IGF1: variants seen among roughly 807,000 people sequenced by gnomAD.
IGF1 encodes insulin like growth factor 1.
A neutral mutation model predicts 13.8 loss-of-function variants in IGF1; 4 were observed. The observed-to-expected ratio is 0.29, with a 90% CI of 0.14 to 0.66. The LOEUF (loss-of-function observed/expected upper bound fraction) is 0.66, where lower values mean the gene tolerates loss of function less well. Among genes scored for constraint, IGF1 ranks in the 30% least tolerant of loss-of-function variants. The pLI, the probability that IGF1 is intolerant of heterozygous loss-of-function variation, is 0.78. For synonymous variants in IGF1, 76 were observed against 72.6 expected (o/e 1.05, Z -0.23); for missense variants, 124 against 188.5 (o/e 0.66, Z 2.00).
At chr12:102,455,572 G>A (rs527320060) in intron 2 of IGF1, among the ~76,000 whole-genome samples, 2 of 152,104 alleles carry the variant, frequency 1.3e-5, no homozygotes, top group Non-Finnish European at 2.9e-5. Context: ...GTTCCACACA[G>A]AGGTCTCCAC....
At chr12:102,435,806 C>G (rs550735088) in intron 2 of IGF1, among the ~76,000 whole-genome samples, 6 of 152,302 alleles carry the variant, frequency 3.9e-5, no homozygotes, top group African/African-American at 1.4e-4. Context: ...ACCTGGATGG[C>G]TTATTAAAAC....
chr12:102,424,555 G>C (rs576736969), intron 2 of IGF1, among the ~76,000 whole-genome samples: 1 of 152,104 alleles, frequency 6.6e-6, no homozygotes, highest in East Asian at 1.9e-4. Flanking sequence ...TCCCTGGGCC[G>C]CCTTATTTAA....
At chr12:102,449,219 T>G (rs1397247167) in intron 2 of IGF1, among the ~76,000 whole-genome samples, 2 of 152,134 alleles carry the variant, frequency 1.3e-5, no homozygotes, top group Non-Finnish European at 2.9e-5. Flanking sequence ...TATGCAGCCA[T>G]GAAAAGGGAT....
intron 2 of IGF1, among the ~76,000 whole-genome samples, chr12:102,426,150 A>G (rs1876183269): frequency 6.6e-6 from 1 of 152,220 alleles, no homozygotes; most frequent in Admixed American, 6.5e-5. Flanking sequence ...GACAGAAGCA[A>G]TATGTGAAGT....
At chr12:102,460,056 T>G (rs1202265221) in intron 2 of IGF1, among the ~76,000 whole-genome samples, 1 of 152,198 alleles carries the variant, frequency 6.6e-6, no homozygotes, top group Non-Finnish European at 1.5e-5. Context: ...ACACTTCACA[T>G]AAAAGGGTGA....
At chr12:102,420,730 C>A (rs1379780192) in intron 2 of IGF1, among the ~76,000 whole-genome samples, 2 of 152,170 alleles carry the variant, frequency 1.3e-5, no homozygotes, top group Admixed American at 1.3e-4. Context: ...TCTGTTCTAG[C>A]TCAGGCAAGG....
chr12:102,449,443 A>G (rs1314373762), intron 2 of IGF1, among the ~76,000 whole-genome samples: 3 of 152,056 alleles, frequency 2.0e-5, no homozygotes, highest in African/African-American at 7.2e-5. Flanking sequence ...TACCTAATGT[A>G]GGTGACGGCT....
intron 3 of IGF1, among the ~76,000 whole-genome samples, chr12:102,418,667 C>G (rs972530790): frequency 4.6e-5 from 7 of 152,138 alleles, no homozygotes; most frequent in African/African-American, 1.4e-4. Flanking sequence ...AGTTCTTATT[C>G]TTTCTACTTA....
intron 2 of IGF1, among the ~76,000 whole-genome samples, chr12:102,420,221 A>T (rs1875581654): frequency 6.6e-6 from 1 of 152,172 alleles, no homozygotes; most frequent in African/African-American, 2.4e-5. Flanking sequence ...GGTGGCAAAG[A>T]CTTGCTGAAG....
intron 3 of IGF1, among the ~76,000 whole-genome samples, chr12:102,416,603 AAG>A (rs1486507006): frequency 2.0e-5 from 3 of 152,154 alleles, no homozygotes; most frequent in Non-Finnish European, 4.4e-5. Context: ...TCTTCAAAAT[AAG>A]GGGATTTCTG....
chr12:102,413,859 C>T (rs918005086), intron 3 of IGF1, among the ~76,000 whole-genome samples: 1 of 152,102 alleles, frequency 6.6e-6, no homozygotes, highest in Non-Finnish European at 1.5e-5. Flanking sequence ...GCCAAGCTAC[C>T]TATTTAAGTT....
At chr12:102,417,607 C>A (rs549477244) in intron 3 of IGF1, 1 of 1,243,962 alleles carries the variant, frequency 8.0e-7, no homozygotes, top group African/African-American at 1.6e-5. Context: ...TCTTTCTTTG[C>A]GCTTTCTAGG....
At chr12:102,456,622 C>T (rs1879428130) in intron 2 of IGF1, among the ~76,000 whole-genome samples, 1 of 152,140 alleles carries the variant, frequency 6.6e-6, no homozygotes, top group Non-Finnish European at 1.5e-5. Flanking sequence ...CTTTTTGAAG[C>T]AACTGTGTTC....
At chr12:102,433,567 A>T (rs1349566530) in intron 2 of IGF1, among the ~76,000 whole-genome samples, 1 of 152,244 alleles carries the variant, frequency 6.6e-6, no homozygotes, top group African/African-American at 2.4e-5. Flanking sequence ...TCTTAACTGT[A>T]TATTAGCCTT....
intron 3 of IGF1, chr12:102,418,071 CAG>C: frequency 6.6e-7 from 1 of 1,519,414 alleles, no homozygotes; most frequent in Non-Finnish European, 9.0e-7. Flanking sequence ...TGAATGAGCT[CAG>C]AATGCCCAGG....
At chr12:102,479,407 GA>G (rs1020854693) in intron 1 of IGF1, among the ~76,000 whole-genome samples, 2 of 148,724 alleles carry the variant, frequency 1.3e-5, no homozygotes, top group South Asian at 4.2e-4. Context: ...CTTGCAAATT[GA>G]AAAAAAAACA....
chr12:102,454,086 C>G (rs1247231728), intron 2 of IGF1, among the ~76,000 whole-genome samples: 1 of 152,224 alleles, frequency 6.6e-6, no homozygotes, highest in Non-Finnish European at 1.5e-5. Flanking sequence ...ACCCAAACAA[C>G]TGGCTGGATG....
intron 2 of IGF1, among the ~76,000 whole-genome samples, chr12:102,458,025 A>G (rs979877826): frequency 1.3e-5 from 2 of 152,170 alleles, no homozygotes; most frequent in Non-Finnish European, 2.9e-5. Flanking sequence ...TTCTTGGTCA[A>G]TATTTTGCAA....
intron 2 of IGF1, among the ~76,000 whole-genome samples, chr12:102,461,295 GT>G (rs1230351356): frequency 1.3e-5 from 2 of 152,146 alleles, no homozygotes; most frequent in African/African-American, 4.8e-5. Flanking sequence ...GGGAACTTGA[GT>G]TTCAGAATGA....
Sources: gnomAD v4.1 joint callset for allele counts (sites outside exome capture counted in the v4.1 genomes callset) on GRCh38, gnomAD v4.1.1 for gene constraint, MANE v1.5 for transcripts, NCBI Gene and HGNC (gene_info 2026-07-23, HGNC 2026-07-21) for gene names.